The following FRMD4A variants were observed in gnomAD, a reference collection of about 807,000 sequenced individuals.
FRMD4A encodes the protein FERM domain containing 4A.
Under a neutral mutation model 129.1 loss-of-function variants are expected in FRMD4A, and 29 were observed. That is an observed-to-expected ratio of 0.22 (90% CI 0.17 to 0.31). FRMD4A has a LOEUF of 0.31. Among genes scored for constraint, FRMD4A ranks in the 10% least tolerant of loss-of-function variants. The pLI is 1.00. For missense variants in FRMD4A, 1,272 were observed against 1,375.8 expected, an observed-to-expected ratio of 0.92 and a Z score of 1.19; for synonymous variants, 634 against 571.6, an observed-to-expected ratio of 1.11 and a Z score of -1.56.
intron 2 of FRMD4A, among the ~76,000 whole-genome samples, chr10:14,128,545 A>G (rs187786335): frequency 1.3e-5 from 2 of 152,312 alleles, no homozygotes; most frequent in Admixed American, 6.5e-5. Flanking sequence ...AAAATTTGCC[A>G]TGCTTTTCCT....
At chr10:14,169,642 C>T (rs920855777) in intron 2 of FRMD4A, among the ~76,000 whole-genome samples, 3 of 152,010 alleles carry the variant, frequency 2.0e-5, no homozygotes, top group African/African-American at 7.3e-5. Flanking sequence ...TGTATGTGGC[C>T]CTTTCTTGGA....
intron 2 of FRMD4A, chr10:14,326,793 C>T (rs1395222586): frequency 1.5e-5 from 6 of 398,478 alleles, no homozygotes; most frequent in South Asian, 1.3e-4. Flanking sequence ...GAGCTTCCCG[C>T]TCTACAATTA....
In FRMD4A at chr10:13,666,112, A is replaced by C; in HGVS notation, c.1588T>G (p.Ser530Ala). 1 of 1,607,586 alleles carries C rather than the reference A, an allele frequency of 6.2e-7. No individual in the cohort carries two copies. ...KSGKKPTQRASLIIDDGNIAS... is the reference protein window; with the variant it reads ...KSGKKPTQRAALIIDDGNIAS... ...TGGCACTGACCGTCTATGATCAGCG[A>C]AGCCCTCTGGGTGGGTTTCTTCCCA... The change falls in exon 18 of 25, where the codon TCG becomes GCG. Residue 530 changes from serine (S) to alanine (A), a missense_variant. This residue lies in a region of FRMD4A where 972 missense variants were observed against 892.3 expected (regional missense o/e 1.09). Transcript: ENST00000357447.
intron 24 of FRMD4A, chr10:13,648,275 A>C (rs2081277019): frequency 6.6e-6 from 1 of 152,184 alleles, no homozygotes. Context: ...GGGTATTACT[A>C]TATGTAGGTG....
chr10:13,657,080 A>G lies in FRMD4A; in HGVS notation c.2509T>C (p.Tyr837His). 1 of 1,575,988 alleles carries G rather than the reference A, an allele frequency of 6.3e-7. No individual in the cohort carries two copies. The highest frequency in any genetic ancestry group is 1.4e-5 in the African/African-American group (1 of 72,662). The change falls in exon 22 of 25, where the codon TAC becomes CAC. Residue 837 changes from tyrosine (Y) to histidine (H), a missense_variant. By Grantham distance (83) the Tyr-to-His change is moderately conservative. This residue lies in a region of FRMD4A where 972 missense variants were observed against 892.3 expected (regional missense o/e 1.09). Coordinates refer to ENST00000357447, the MANE Select transcript of FRMD4A (RefSeq NM_018027.5). ...QPSSQYRIKEYPLYIEGGATP... is the reference protein window; with the variant it reads ...QPSSQYRIKEHPLYIEGGATP... ...GCGCCGCCCTCGATGTACAGCGGGT[A>G]CTCCTTGATGCGGTACTGCGAGCTG...
intron 2 of FRMD4A, among the ~76,000 whole-genome samples, chr10:14,175,735 G>A (rs1841698744): frequency 6.6e-6 from 1 of 151,972 alleles, no homozygotes; most frequent in Admixed American, 6.6e-5. Flanking sequence ...ATGTTTCCCA[G>A]GCTGGTCTCA....
rs539029822 is a variant in FRMD4A at position 14,260,244 on chromosome 10, G to A, written c.45+69814C>T. Among the ~76,000 whole-genome samples, 126 of 152,190 alleles carry A rather than the reference G, an allele frequency of 8.3e-4. 1 individual carries two copies. The highest frequency in any genetic ancestry group is 1.8e-3 in the Admixed American group (27 of 15,284). On this transcript the variant is annotated intron_variant, in intron 2 of 24. Coordinates refer to ENST00000357447, the MANE Select transcript of FRMD4A (RefSeq NM_018027.5). ...GCATTCTCTCCCTTTTGTACTGCAC[G>A]GACTCTCATGTGCTTTAAGAGGAAT...
intron 2 of FRMD4A, among the ~76,000 whole-genome samples, chr10:14,310,519 T>A (rs1247638304): frequency 6.6e-6 from 1 of 152,058 alleles, no homozygotes; most frequent in African/African-American, 2.4e-5. Flanking sequence ...GCTGTGCCAA[T>A]AGGAAAAAGG....
chr10:13,790,155 G>A (rs761471109), intron 5 of FRMD4A, among the ~76,000 whole-genome samples: 2 of 135,368 alleles, frequency 1.5e-5, no homozygotes, highest in Admixed American at 7.6e-5. Flanking sequence ...GGAGGCAAGC[G>A]GGAGGGAGCG....
At chr10:14,139,452 T>C (rs1449139074) in intron 2 of FRMD4A, among the ~76,000 whole-genome samples, 1 of 95,660 alleles carries the variant, frequency 1.0e-5, no homozygotes, top group African/African-American at 3.6e-5. Flanking sequence ...TATTATTTAT[T>C]TTTTTTAATT....
chr10:13,676,174 G>A (rs7070311), intron 15 of FRMD4A, among the ~76,000 whole-genome samples: 2,021 of 152,216 alleles, frequency 0.013, 65 homozygotes, highest in African/African-American at 0.046. Flanking sequence ...CTTTCCTGGA[G>A]TGAAGCTATT....
intron 6 of FRMD4A, among the ~76,000 whole-genome samples, chr10:13,777,339 T>C (rs1477904732): frequency 5.0e-5 from 3 of 60,250 alleles, no homozygotes; most frequent in Non-Finnish European, 7.3e-5. Flanking sequence ...TCATAGTATA[T>C]ATAAAAAATT....
chr10:14,068,639 C>T (rs1426047943), intron 2 of FRMD4A, among the ~76,000 whole-genome samples: 2 of 152,164 alleles, frequency 1.3e-5, no homozygotes, highest in African/African-American at 2.4e-5. Context: ...TCTACAGAAA[C>T]AAACTTTACA....
chr10:13,990,613 C>A (rs1465009900), intron 2 of FRMD4A, among the ~76,000 whole-genome samples: 1 of 145,564 alleles, frequency 6.9e-6, no homozygotes, highest in Non-Finnish European at 1.5e-5. Context: ...AGGAACATCT[C>A]GGCCTGAAGC....
At chr10:14,007,215 T>C (rs1222636302) in intron 2 of FRMD4A, 1 of 152,134 alleles carries the variant, frequency 6.6e-6, no homozygotes, top group Non-Finnish European at 1.5e-5. Flanking sequence ...ACTGAAGACG[T>C]CTATGTAGGT....
At chr10:13,964,691 G>A (rs979145167) in intron 2 of FRMD4A, among the ~76,000 whole-genome samples, 1 of 70,460 alleles carries the variant, frequency 1.4e-5, no homozygotes, top group Non-Finnish European at 3.0e-5. Context: ...TTTTTTTTTT[G>A]AGACAGAGTT....
intron 2 of FRMD4A, among the ~76,000 whole-genome samples, chr10:14,241,812 TGTC>T (rs1335448531): frequency 4.6e-5 from 7 of 151,554 alleles, no homozygotes; most frequent in Non-Finnish European, 7.4e-5. Flanking sequence ...AGGAGTTTGT[TGTC>T]CATCTGCCCT....
At chr10:14,010,664 C>CTTTTTTTTTTTTTTTTTTTGTTT (rs2095678920) in intron 2 of FRMD4A, among the ~76,000 whole-genome samples, 1 of 76,418 alleles carries the variant, frequency 1.3e-5, no homozygotes, top group Admixed American at 1.9e-4. Flanking sequence ...GAGTTTAGGT[C>CTTTTTTTTTTTTTTTTTTTGTTT]TTTTTTTTTT....
intron 12 of FRMD4A, among the ~76,000 whole-genome samples, chr10:13,723,233 C>G (rs957653406): frequency 3.9e-5 from 6 of 152,238 alleles, no homozygotes; most frequent in African/African-American, 1.4e-4. Context: ...AGCTGGTTAG[C>G]TAGGTCAACA....
Sources: gnomAD v4.1 joint callset for allele counts (sites outside exome capture counted in the v4.1 genomes callset) on GRCh38, gnomAD v4.1.1 for gene constraint, gnomAD v4.1.1 regional missense constraint, MANE v1.5 for transcripts, NCBI Gene and HGNC (gene_info 2026-07-23, HGNC 2026-07-21) for gene names.